The following ARHGAP31 variants were observed in gnomAD, a reference collection of about 807,000 sequenced individuals.
The protein encoded by ARHGAP31 is Rho GTPase activating protein 31.
Under a neutral mutation model 113.9 loss-of-function variants are expected in ARHGAP31, and 34 were observed. The observed-to-expected ratio is 0.30, with a 90% confidence interval of 0.23 to 0.40. The LOEUF (loss-of-function observed/expected upper bound fraction) is 0.40. Among genes scored for constraint, ARHGAP31 ranks in the 10% least tolerant of loss-of-function variants. The probability of loss-of-function intolerance (pLI) is 1.00; values close to 1 mark genes in which losing one functional copy is unlikely to be tolerated. For missense variants in ARHGAP31, 1,548 were observed against 1,767.1 expected (o/e 0.88, Z 2.22); for synonymous variants, 650 against 684.8 (o/e 0.95, Z 0.79).
rs6438526 is a variant in ARHGAP31 at position 119,369,236 on chromosome 3, T to C, written c.348+720T>C. ...TGGCTGCATGGGAGAAGGTGTAGAG[T>C]AGGCAGAGGGCTGGGTTTAACCAAG... is the stretch of plus-strand genomic sequence containing the variant. On this transcript the variant is annotated intron_variant, in intron 3 of 11. Transcript: ENST00000264245. 9.1e-3 allele frequency among the ~76,000 whole-genome samples: 1,382 copies of C among 151,970 alleles called. 14 individuals carry two copies. The highest frequency in any genetic ancestry group is 0.03 in the African/African-American group (1,228 of 41,416).
intron 1 of ARHGAP31, among the ~76,000 whole-genome samples, chr3:119,303,539 T>A (rs1015854964): frequency 6.6e-6 from 1 of 152,160 alleles, no homozygotes; most frequent in African/African-American, 2.4e-5. Context: ...ACCACGCCCA[T>A]GGCCTGATGC....
intron 6 of ARHGAP31, among the ~76,000 whole-genome samples, chr3:119,389,284 C>T (rs1002832563): frequency 1.3e-5 from 2 of 152,194 alleles, no homozygotes; most frequent in African/African-American, 4.8e-5. Context: ...GGGCACTAAA[C>T]TTGGTCTTCT....
intron 1 of ARHGAP31, among the ~76,000 whole-genome samples, chr3:119,297,314 C>T (rs9810388): frequency 0.024 from 3,584 of 152,248 alleles, 138 homozygotes; most frequent in African/African-American, 0.082. Flanking sequence ...ATAGACAAGG[C>T]CTGGACTCTG....
At chr3:119,323,005 C>T (rs1025328907) in intron 1 of ARHGAP31, among the ~76,000 whole-genome samples, 1 of 152,232 alleles carries the variant, frequency 6.6e-6, no homozygotes, top group Non-Finnish European at 1.5e-5. Context: ...GGTCCGGGCG[C>T]CCGCCCGGCG....
rs142491171 is a variant in ARHGAP31 at position 119,305,612 on chromosome 3, AG to A, written c.100+10609del. 3.7e-3 allele frequency among the ~76,000 whole-genome samples: 559 copies of A among 152,314 alleles called. 2 individuals carry two copies. The highest frequency in any genetic ancestry group is 0.012 in the African/African-American group (497 of 41,558). On this transcript the variant is annotated intron_variant, in intron 1 of 11. Transcript: ENST00000264245. ...ACAATTGTTGGCTTTCTTTTTAACA[AG>A]TTTTAGCTATTTAAGCTTTATTGTG...
At chr3:119,404,705 A>G (rs2080645220) in intron 10 of ARHGAP31, among the ~76,000 whole-genome samples, 1 of 152,236 alleles carries the variant, frequency 6.6e-6, no homozygotes, top group Non-Finnish European at 1.5e-5. Context: ...ATCTAAGTGA[A>G]ATTCCAGTGT....
intron 1 of ARHGAP31, among the ~76,000 whole-genome samples, chr3:119,296,792 C>T (rs2079536988): frequency 6.6e-6 from 1 of 152,178 alleles, no homozygotes; most frequent in African/African-American, 2.4e-5. Flanking sequence ...AATGGCAAAC[C>T]AGTACCCCGG....
chr3:119,416,657 C>T lies in ARHGAP31; in HGVS notation c.*393C>T, dbSNP rs181727543. 2 of 295,874 alleles carry T rather than the reference C, an allele frequency of 6.8e-6. No homozygotes were observed. Among genetic ancestry groups the T allele is most frequent in the Admixed American group, 9.7e-5 (2 of 20,604 alleles). The allele number at this position is 295,874 out of a possible 1,614,324, so 18.3% of individuals were successfully genotyped here. On this transcript the variant is annotated 3_prime_UTR_variant, in exon 12 of 12. Transcript: ENST00000264245. ...CTTTGAAAGAAAGAAAAATCTCTTG[C>T]TGTGTCAAACCTCAAAATGTTGCTA...
In ARHGAP31 at chr3:119,322,616, TG is replaced by T. The variant is rs1250110366; in HGVS notation, c.100+27614del. 2.6e-5 allele frequency: 4 copies of T among 152,608 alleles called. No homozygotes were observed. The East Asian group carries it at 7.7e-4, about 29-fold the overall frequency. 9.5% of individuals were successfully genotyped at this position (152,608 alleles called of 1,614,324 possible). A position where few individuals can be genotyped will look rare whatever the true frequency, so the allele number is the denominator to read the frequency against. ...CACCTCCCACCTCAGCCTCCCACCT[TG>T]GTGTGGAGGGACCAGCGTCGAAGAC... On this transcript the variant is annotated intron_variant, in intron 1 of 11. Coordinates refer to ENST00000264245, the MANE Select transcript of ARHGAP31 (RefSeq NM_020754.4).
intron 3 of ARHGAP31, among the ~76,000 whole-genome samples, chr3:119,378,920 G>A (rs1270678270): frequency 6.6e-6 from 1 of 152,202 alleles, no homozygotes; most frequent in Admixed American, 6.5e-5. Flanking sequence ...CCTGTTCTCA[G>A]GCTGGCAAAC....
intron 1 of ARHGAP31, among the ~76,000 whole-genome samples, chr3:119,330,826 C>G (rs961845579): frequency 1.3e-5 from 2 of 152,224 alleles, no homozygotes; most frequent in African/African-American, 4.8e-5. Flanking sequence ...TAGACTGTTA[C>G]ATACACATAT....
At chr3:119,330,652 C>T (rs2079884480) in intron 1 of ARHGAP31, among the ~76,000 whole-genome samples, 1 of 152,208 alleles carries the variant, frequency 6.6e-6, no homozygotes, top group African/African-American at 2.4e-5. Context: ...ATCCCAGCTT[C>T]CTCATCTAAA....
At chr3:119,302,453 G>A (rs1006070018) in intron 1 of ARHGAP31, among the ~76,000 whole-genome samples, 3 of 152,232 alleles carry the variant, frequency 2.0e-5, no homozygotes, top group African/African-American at 7.2e-5. Context: ...GGAAGAGGAG[G>A]AAGAGGAGGT....
chr3:119,310,877 C>A (rs1220893036), intron 1 of ARHGAP31, among the ~76,000 whole-genome samples: 1 of 152,174 alleles, frequency 6.6e-6, no homozygotes, highest in Non-Finnish European at 1.5e-5. Context: ...TAATCAACTT[C>A]CTTTTTCCCA....
At chr3:119,345,685 C>G (rs895039843) in intron 1 of ARHGAP31, among the ~76,000 whole-genome samples, 5 of 152,070 alleles carry the variant, frequency 3.3e-5, no homozygotes, top group African/African-American at 9.7e-5. Flanking sequence ...AGCTGGGAAG[C>G]CTTTATGGAG....
At chr3:119,334,527 C>G (rs2079925383) in intron 1 of ARHGAP31, among the ~76,000 whole-genome samples, 1 of 152,212 alleles carries the variant, frequency 6.6e-6, no homozygotes, top group African/African-American at 2.4e-5. Flanking sequence ...GCCTTCTGGG[C>G]CCATCTTCAG....
intron 9 of ARHGAP31, among the ~76,000 whole-genome samples, chr3:119,400,937 G>A (rs536987057): frequency 1.3e-5 from 2 of 152,230 alleles, no homozygotes; most frequent in African/African-American, 2.4e-5. Flanking sequence ...TTGGGAGGCC[G>A]AGGCAGGCAG....
At position 119,368,447 on chromosome 3, in the gene ARHGAP31, G is replaced by A. The variant is rs1289473407; in HGVS notation, c.279G>A (p.Ser93=). Residue 93 remains serine (S), a synonymous_variant, in exon 3 of 12, where the codon TCG becomes TCA. Transcript: ENST00000264245. ...VYLQDIHCVG[S]LCKLYFRELP... ...TCCAGGACATCCACTGTGTGGGCTC[G>A]CTTTGCAAGCTCTACTTTAGGGAGC... 2.5e-5 allele frequency: 41 copies of A among 1,613,978 alleles called. No individual in the cohort carries two copies. The highest frequency in any genetic ancestry group is 3.3e-4 in the Middle Eastern group (2 of 6,084).
intron 8 of ARHGAP31, among the ~76,000 whole-genome samples, chr3:119,395,446 A>G (rs928847361): frequency 6.6e-6 from 1 of 152,206 alleles, no homozygotes; most frequent in African/African-American, 2.4e-5. Context: ...CAGCTGTCCC[A>G]GCTGTGTCCC....
Sources: gnomAD v4.1 joint callset for allele counts (sites outside exome capture counted in the v4.1 genomes callset) on GRCh38, gnomAD v4.1.1 for gene constraint, MANE v1.5 for transcripts, NCBI Gene and HGNC (gene_info 2026-07-23, HGNC 2026-07-21) for gene names.